PTPN5: variants seen among roughly 807,000 people sequenced by gnomAD.
PTPN5 encodes the protein tyrosine-protein phosphatase non-receptor type 5.
Under a neutral mutation model 73.9 loss-of-function variants are expected in PTPN5, and 29 were observed. The observed-to-expected ratio is 0.39, with a 90% confidence interval of 0.29 to 0.54. The LOEUF is 0.54. PTPN5 is among the 20% of genes least tolerant of loss of function. The pLI is 0.65. For synonymous variants in PTPN5, 267 were observed against 304.7 expected (o/e 0.88, Z 1.29); for missense variants, 652 against 751.4 (o/e 0.87, Z 1.55).
intron 3 of PTPN5, among the ~76,000 whole-genome samples, chr11:18,745,649 CCT>C (rs1564900554): frequency 6.6e-6 from 1 of 152,146 alleles, no homozygotes; most frequent in African/African-American, 2.4e-5. Context: ...GCACCCCATG[CCT>C]CTCTTTCATA....
chr11:18,776,896 T>TC (rs1851183417), intron 1 of PTPN5, among the ~76,000 whole-genome samples: 1 of 152,164 alleles, frequency 6.6e-6, no homozygotes, highest in Non-Finnish European at 1.5e-5. Flanking sequence ...GCACGGTGGC[T>TC]CATGCCTGTA....
At chr11:18,756,933 A>AAC (rs1850178647) in intron 3 of PTPN5, among the ~76,000 whole-genome samples, 2 of 125,886 alleles carry the variant, frequency 1.6e-5, no homozygotes, top group South Asian at 2.7e-4. Flanking sequence ...AAAAAAAAAA[A>AAC]AAACCAAAAA....
chr11:18,742,332 A>T lies in PTPN5; in HGVS notation c.655T>A (p.Cys219Ser). Reference sequence around the variant, plus strand: ...GCCTCAGGCTTGATGTCCATCACACAATCAAACACAGGAGTCTCGGGCACC... The same window carrying T: ...GCCTCAGGCTTGATGTCCATCACACTATCAAACACAGGAGTCTCGGGCACC... ...DPVPETPVFDCVMDIKPEADP... is the reference protein window; with the variant it reads ...DPVPETPVFDSVMDIKPEADP... The change falls in exon 7 of 15, where the codon TGT becomes AGT. Residue 219 changes from cysteine (C) to serine (S), a missense_variant. Physicochemically the swap from Cys to Ser is moderately radical, Grantham distance 112 (BLOSUM62 -1). Transcript: ENST00000358540. This position sits in a 1 kb window ranked among gnomAD's most constrained non-coding sequence, Gnocchi z 4.1. The T allele has an allele frequency of 1.2e-6, 2 of 1,614,138 alleles. No individual in the cohort carries two copies. The highest frequency in any genetic ancestry group is 1.7e-6 in the Non-Finnish European group (2 of 1,180,026).
Position 18,729,889 on chromosome 11 carries a change from G to C in PTPN5, c.1330-71C>G. ...CAGCTCACAAACCAGCCCAGAGATA[G>C]AGATGAGATGGAAGGAGGAAGAACA... On this transcript the variant is annotated intron_variant, in intron 12 of 14. Coordinates refer to ENST00000358540, the MANE Select transcript of PTPN5 (RefSeq NM_006906.2). The surrounding 1 kb of genome is among the most constrained non-coding windows in gnomAD (Gnocchi z 5.2). 1 of 1,585,938 alleles carries C rather than the reference G, an allele frequency of 6.3e-7. No homozygotes were observed. Among genetic ancestry groups the C allele is most frequent in the Non-Finnish European group, 8.7e-7 (1 of 1,154,756 alleles).
chr11:18,736,247 G>C (rs907789221), intron 9 of PTPN5, among the ~76,000 whole-genome samples: 1 of 152,186 alleles, frequency 6.6e-6, no homozygotes, highest in African/African-American at 2.4e-5. Flanking sequence ...AGACCAGCCT[G>C]GTCAACAGAG....
At position 18,742,315 on chromosome 11, in the gene PTPN5, C is replaced by T. The variant is rs141525568; in HGVS notation, c.672G>A (p.Lys224=). 6.2e-7 allele frequency: 1 copy of T among 1,614,158 alleles called. No individual in the cohort carries two copies. Among genetic ancestry groups the T allele is most frequent in the African/African-American group, 1.3e-5 (1 of 75,020 alleles). ...TGAGTGAGGTGGGGTCAGCCTCAGG[C>T]TTGATGTCCATCACACAATCAAACA... ...TPVFDCVMDI[K]PEADPTSLTV... is the part of the protein sequence containing the mutation. The change falls in exon 7 of 15, where the codon AAG becomes AAA. Residue 224 remains lysine, a synonymous_variant. Transcript: ENST00000358540. This position sits in a 1 kb window ranked among gnomAD's most constrained non-coding sequence, Gnocchi z 4.1.
In PTPN5 at chr11:18,762,187, G is replaced by A. The variant is rs529074449; in HGVS notation, c.97+3620C>T. On this transcript the variant is annotated intron_variant, in intron 3 of 14. Coordinates refer to ENST00000358540, the MANE Select transcript of PTPN5 (RefSeq NM_006906.2). ...TGTTGGCTCAGATCTGGGTGATCGTGGTGGCTCGGAGTGTTGGCCATGTTG... is the reference window on the plus strand; with the variant it reads ...TGTTGGCTCAGATCTGGGTGATCGTAGTGGCTCGGAGTGTTGGCCATGTTG... 7.2e-5 allele frequency among the ~76,000 whole-genome samples: 11 copies of A among 152,196 alleles called. No homozygotes were observed. In the South Asian group the frequency reaches 2.3e-3, roughly 32 times the overall value.
intron 3 of PTPN5, among the ~76,000 whole-genome samples, chr11:18,759,435 T>C (rs1176410928): frequency 6.6e-6 from 1 of 152,226 alleles, no homozygotes; most frequent in African/African-American, 2.4e-5. Context: ...CCCAGCTGCC[T>C]GGCCATAGCA....
At position 18,743,694 on chromosome 11, in the gene PTPN5, C is replaced by A. The variant is rs1420288181; in HGVS notation, c.292-265G>T. 5 of 581,432 alleles carry A rather than the reference C, an allele frequency of 8.6e-6. No homozygotes were observed. In the Admixed American group the frequency reaches 1.2e-4, roughly 14 times the overall value. The allele number at this position is 581,432 out of a possible 1,614,324, so 36.0% of individuals were successfully genotyped here. On this transcript the variant is annotated intron_variant, in intron 4 of 14. Coordinates refer to ENST00000358540, the MANE Select transcript of PTPN5 (RefSeq NM_006906.2). The stretch of plus-strand genomic sequence containing the variant: ...CAAATATGTACATCAAAAGAGTAGT[C>A]TCCTAGAAAGGCCTCCACAGACAGG...
At position 18,732,675 on chromosome 11, in the gene PTPN5, G is replaced by C. The variant is rs776115049; in HGVS notation, c.1246C>G (p.Gln416Glu). The change falls in exon 12 of 15, where the codon CAG becomes GAG. Residue 416 changes from glutamine (Q) to glutamate (E), a missense_variant. Gln to Glu is a conservative substitution (Grantham distance 29). Around this residue, in one of 3 missense-constraint regions of PTPN5, gnomAD observed 529 missense variants for 573.9 expected, o/e 0.92. Transcript: ENST00000358540. ...EKCTEYWPEE[Q>E]VAYDGVEITV... ...ATCTCAACACCGTCGTACGCCACCTGCTCCTCCGGCCAATACTCGGTGCAT... is the reference window on the plus strand; with the variant it reads ...ATCTCAACACCGTCGTACGCCACCTCCTCCTCCGGCCAATACTCGGTGCAT... The C allele has an allele frequency of 1.9e-6, 3 of 1,613,726 alleles. No homozygotes were observed. Among genetic ancestry groups the C allele is most frequent in the African/African-American group, 2.7e-5 (2 of 74,906 alleles).
At chr11:18,788,650 C>T (rs755505166) in intron 1 of PTPN5, among the ~76,000 whole-genome samples, 2 of 152,194 alleles carry the variant, frequency 1.3e-5, no homozygotes, top group Non-Finnish European at 2.9e-5. Flanking sequence ...GAATAAAAGT[C>T]CTCTTTCAAC....
At chr11:18,785,736 A>G (rs928302409) in intron 1 of PTPN5, among the ~76,000 whole-genome samples, 9 of 152,220 alleles carry the variant, frequency 5.9e-5, no homozygotes, top group African/African-American at 2.4e-5. Context: ...ACTCTTCAGA[A>G]AGACACTTCA....
intron 4 of PTPN5, chr11:18,743,663 A>C: frequency 1.7e-6 from 1 of 592,742 alleles, no homozygotes; most frequent in Non-Finnish European, 3.0e-6. Context: ...TCCAGAGAGG[A>C]CCTCACAAAT....
At chr11:18,735,949 A>G (rs1400996678) in intron 9 of PTPN5, among the ~76,000 whole-genome samples, 1 of 152,168 alleles carries the variant, frequency 6.6e-6, no homozygotes, top group Non-Finnish European at 1.5e-5. Flanking sequence ...CAATGATCCA[A>G]GTAAGAAGTG....
At chr11:18,767,487 C>T (rs1378920515) in intron 2 of PTPN5, among the ~76,000 whole-genome samples, 1 of 152,212 alleles carries the variant, frequency 6.6e-6, no homozygotes, top group Non-Finnish European at 1.5e-5. Context: ...GTCCCAGCCA[C>T]CATCATCTCT....
chr11:18,761,942 G>A (rs557359031), intron 3 of PTPN5, among the ~76,000 whole-genome samples: 130 of 152,308 alleles, frequency 8.5e-4, no homozygotes, highest in African/African-American at 2.9e-3. Flanking sequence ...CCACGTGCCC[G>A]GGTGACTGTG....
intron 1 of PTPN5, among the ~76,000 whole-genome samples, chr11:18,784,624 T>G (rs1157475609): frequency 6.6e-6 from 1 of 152,222 alleles, no homozygotes; most frequent in Non-Finnish European, 1.5e-5. Context: ...ATTATACAGT[T>G]AACATTGGTT....
At chr11:18,738,332 G>A (rs954387726) in intron 8 of PTPN5, among the ~76,000 whole-genome samples, 1 of 152,104 alleles carries the variant, frequency 6.6e-6, no homozygotes, top group Non-Finnish European at 1.5e-5. Context: ...ACCTAGGTTC[G>A]TGCTGCTTGC....
At chr11:18,761,240 G>A (rs185693262) in intron 3 of PTPN5, among the ~76,000 whole-genome samples, 1 of 152,312 alleles carries the variant, frequency 6.6e-6, no homozygotes, top group Admixed American at 6.5e-5. Flanking sequence ...TCCATGTGCT[G>A]GCCCCCACTG....
Sources: gnomAD v4.1 joint callset for allele counts (sites outside exome capture counted in the v4.1 genomes callset) on GRCh38, gnomAD v4.1.1 for gene constraint, gnomAD v4.1.1 regional missense constraint, Gnocchi (gnomAD v3.1) non-coding constraint, MANE v1.5 for transcripts, NCBI Gene and HGNC (gene_info 2026-07-23, HGNC 2026-07-21) for gene names.